Variants in DNER observed in about 807,000 individuals in gnomAD.
DNER encodes the protein delta and Notch-like epidermal growth factor-related receptor.
A neutral mutation model predicts 78.2 loss-of-function variants in DNER; 33 were observed. That is an observed-to-expected ratio of 0.42 (90% CI 0.32 to 0.56). DNER has a LOEUF of 0.56. Among genes scored for constraint, DNER ranks in the 20% least tolerant of loss-of-function variants. DNER has a pLI of 0.11. For missense variants in DNER, 918 were observed against 975.3 expected, an observed-to-expected ratio of 0.94 and a Z score of 0.78; for synonymous variants, 417 against 384.8, an observed-to-expected ratio of 1.08 and a Z score of -0.98.
chr2:229,502,512 G>GA (rs1440478985), intron 6 of DNER, among the ~76,000 whole-genome samples: 2 of 152,182 alleles, frequency 1.3e-5, no homozygotes, highest in Non-Finnish European at 2.9e-5. Context: ...CACAGCTGAT[G>GA]AGTGGGACTG....
intron 7 of DNER, among the ~76,000 whole-genome samples, chr2:229,475,695 T>C (rs1695020307): frequency 6.6e-6 from 1 of 152,202 alleles, no homozygotes; most frequent in Admixed American, 6.5e-5. Context: ...GGCCATTGTT[T>C]ATTACCAGTG....
chr2:229,569,064 CAT>C (rs1697167228), intron 4 of DNER, among the ~76,000 whole-genome samples: 1 of 152,148 alleles, frequency 6.6e-6, no homozygotes, highest in Non-Finnish European at 1.5e-5. Context: ...TGTGTATATA[CAT>C]GTCTGTGCAT....
intron 1 of DNER, among the ~76,000 whole-genome samples, chr2:229,609,833 T>C (rs893091231): frequency 6.6e-5 from 10 of 152,186 alleles, no homozygotes; most frequent in Admixed American, 3.3e-4. Flanking sequence ...GCTAAATAAT[T>C]GTGGAGCTCT....
intron 3 of DNER, chr2:229,587,035 C>G (rs779377773): frequency 4.1e-6 from 4 of 977,714 alleles, no homozygotes; most frequent in Non-Finnish European, 4.9e-6. Context: ...CGGTCCCGTT[C>G]TGCAGCTTAA....
chr2:229,712,365 G>C (rs181729078), intron 1 of DNER, among the ~76,000 whole-genome samples: 13 of 152,256 alleles, frequency 8.5e-5, no homozygotes, highest in African/African-American at 3.1e-4. Context: ...TCTTGAAGAT[G>C]TCTTATATCT....
At chr2:229,586,567 A>T in intron 3 of DNER, 1 of 351,440 alleles carries the variant, frequency 2.8e-6, no homozygotes, top group Non-Finnish European at 3.8e-6. Flanking sequence ...AAACCACCCC[A>T]CAGAGAATAG....
intron 1 of DNER, among the ~76,000 whole-genome samples, chr2:229,599,465 T>C (rs1697787193): frequency 6.6e-6 from 1 of 152,222 alleles, no homozygotes; most frequent in South Asian, 2.1e-4. Flanking sequence ...GGCTCCCCTG[T>C]ATGTTGTAAG....
intron 1 of DNER, among the ~76,000 whole-genome samples, chr2:229,673,958 A>G (rs1298317748): frequency 6.6e-6 from 1 of 152,220 alleles, no homozygotes; most frequent in Admixed American, 6.5e-5. Context: ...GAGAGAGGAC[A>G]GGTATTTGTC....
intron 8 of DNER, among the ~76,000 whole-genome samples, chr2:229,425,218 C>G (rs1359128063): frequency 1.3e-5 from 2 of 152,084 alleles, no homozygotes; most frequent in African/African-American, 4.8e-5. Flanking sequence ...CTGGCTCATA[C>G]CAAGCAAATG....
chr2:229,700,041 T>G (rs1045578330), intron 1 of DNER, among the ~76,000 whole-genome samples: 1 of 150,784 alleles, frequency 6.6e-6, no homozygotes, highest in African/African-American at 2.4e-5. Flanking sequence ...CAAAAGAAAA[T>G]TAGACAAAAA....
intron 7 of DNER, among the ~76,000 whole-genome samples, chr2:229,460,493 A>C (rs1299332905): frequency 2.0e-5 from 3 of 151,958 alleles, no homozygotes; most frequent in Non-Finnish European, 4.4e-5. Flanking sequence ...TTAAATACAA[A>C]CCTAAAGCCA....
intron 6 of DNER, among the ~76,000 whole-genome samples, chr2:229,496,337 C>T (rs972732595): frequency 6.6e-6 from 1 of 152,130 alleles, no homozygotes; most frequent in African/African-American, 2.4e-5. Context: ...ATGTATATGA[C>T]TTCATTAATA....
At chr2:229,627,381 C>T (rs1323642278) in intron 1 of DNER, among the ~76,000 whole-genome samples, 1 of 152,204 alleles carries the variant, frequency 6.6e-6, no homozygotes, top group African/African-American at 2.4e-5. Flanking sequence ...GTTTATTTCA[C>T]AACTTTAGAC....
chr2:229,441,246 A>G (rs1694228551), intron 8 of DNER, among the ~76,000 whole-genome samples: 1 of 151,978 alleles, frequency 6.6e-6, no homozygotes, highest in Non-Finnish European at 1.5e-5. Context: ...ATTCTGAACT[A>G]TTGTTCAGAA....
chr2:229,517,646 C>T (rs188201435), intron 5 of DNER, among the ~76,000 whole-genome samples: 3 of 152,304 alleles, frequency 2.0e-5, no homozygotes, highest in Admixed American at 1.3e-4. Context: ...GGTCACTGGG[C>T]GTGCCGTCAA....
intron 3 of DNER, 75 bp downstream of exon 3, chr2:229,588,319 G>T: frequency 7.3e-7 from 1 of 1,370,876 alleles, no homozygotes; most frequent in Non-Finnish European, 1.0e-6. Context: ...TACACACCAG[G>T]TCCGCGGATG....
chr2:229,669,760 G>A (rs1185859588), intron 1 of DNER, among the ~76,000 whole-genome samples: 1 of 152,136 alleles, frequency 6.6e-6, no homozygotes, highest in African/African-American at 2.4e-5. Context: ...CATTGATTTT[G>A]AGAATACACA....
chr2:229,417,753 C>T (rs934240419), intron 9 of DNER, among the ~76,000 whole-genome samples: 2 of 152,188 alleles, frequency 1.3e-5, no homozygotes, highest in African/African-American at 4.8e-5. Flanking sequence ...GCATAAGAAG[C>T]TTTATAGGAC....
intron 6 of DNER, among the ~76,000 whole-genome samples, chr2:229,508,395 G>A (rs2154212180): frequency 6.6e-6 from 1 of 152,200 alleles, no homozygotes; most frequent in South Asian, 2.1e-4. Flanking sequence ...TCATAGAATG[G>A]AATTTTATAT....
Sources: allele counts gnomAD v4.1 joint callset (sites outside exome capture counted in the v4.1 genomes callset), GRCh38; gene constraint gnomAD v4.1.1; transcripts MANE v1.5; gene names NCBI Gene and HGNC (gene_info 2026-07-23, HGNC 2026-07-21).